IRAG1: variants seen among roughly 807,000 people sequenced by gnomAD.
IRAG1 encodes the protein inositol 1,4,5-triphosphate receptor associated 1.
Under a neutral mutation model 106.2 loss-of-function variants are expected in IRAG1, and 62 were observed. The ratio of observed to expected loss-of-function variants is 0.58; its 90% CI spans 0.48 to 0.72. IRAG1 has a LOEUF of 0.72. Ranked by LOEUF, IRAG1 falls within the 30% of genes least tolerant of loss-of-function variation. The pLI is 0.00. For missense variants in IRAG1, 1,064 were observed against 1,140.7 expected (o/e 0.93, Z 0.97); for synonymous variants, 462 against 443.9 (o/e 1.04, Z -0.51).
intron 1 of IRAG1, among the ~76,000 whole-genome samples, chr11:10,683,976 G>A (rs537000681): frequency 3.6e-4 from 54 of 151,000 alleles, no homozygotes; most frequent in South Asian, 8.5e-4. Flanking sequence ...ATAAAGTAAC[G>A]CATTAGTACA....
chr11:10,681,343 A>C (rs1197455682), intron 1 of IRAG1, among the ~76,000 whole-genome samples: 1 of 152,244 alleles, frequency 6.6e-6, no homozygotes, highest in Admixed American at 6.5e-5. Context: ...TTAATAAAAA[A>C]GAGAATAAAT....
chr11:10,602,218 CTTTTA>C (rs1854090346), intron 14 of IRAG1, among the ~76,000 whole-genome samples: 1 of 152,232 alleles, frequency 6.6e-6, no homozygotes, highest in South Asian at 2.1e-4. Flanking sequence ...ACAGGTCTTT[CTTTTA>C]TTTAATAGGA....
intron 10 of IRAG1, among the ~76,000 whole-genome samples, chr11:10,619,691 AT>A (rs1287743054): frequency 6.6e-6 from 1 of 152,204 alleles, no homozygotes; most frequent in East Asian, 1.9e-4. Flanking sequence ...ACATGCAAAC[AT>A]TACAGCAGCT....
intron 2 of IRAG1, among the ~76,000 whole-genome samples, chr11:10,641,779 T>C (rs1857532537): frequency 6.6e-6 from 1 of 152,154 alleles, no homozygotes; most frequent in Non-Finnish European, 1.5e-5. Flanking sequence ...GGTAGAAGAT[T>C]GATATCTTTC....
chr11:10,673,735 A>G (rs1038126776), intron 1 of IRAG1, among the ~76,000 whole-genome samples: 7 of 152,142 alleles, frequency 4.6e-5, no homozygotes, highest in Admixed American at 1.3e-4. Flanking sequence ...TTTGGTCCTT[A>G]GTGCCTTGTG....
At position 10,581,998 on chromosome 11, in the gene IRAG1, AGG is replaced by A; in HGVS notation, c.2241-14_2241-13del. On this transcript the variant is annotated splice_polypyrimidine_tract_variant and intron_variant, in intron 18 of 20. Coordinates refer to ENST00000423302, the MANE Select transcript of IRAG1 (RefSeq NM_130385.4). ...CATTTGTCTTTCCACTAGTGAGAAG[AGG>A]GAAGTACAGGGCATCATTTCAGAAA... The A allele has an allele frequency of 6.2e-7, 1 of 1,606,626 alleles. No individual in the cohort carries two copies. Among genetic ancestry groups the A allele is most frequent in the Admixed American group, 1.7e-5 (1 of 58,210 alleles).
At chr11:10,676,394 C>T (rs1171608295) in intron 1 of IRAG1, among the ~76,000 whole-genome samples, 1 of 152,214 alleles carries the variant, frequency 6.6e-6, no homozygotes, top group Non-Finnish European at 1.5e-5. Flanking sequence ...CTGGCGACAG[C>T]AGCACATCCA....
chr11:10,651,430 T>A (rs565064043), intron 2 of IRAG1, among the ~76,000 whole-genome samples: 2 of 152,310 alleles, frequency 1.3e-5, no homozygotes, highest in East Asian at 3.9e-4. Flanking sequence ...CACACCAAAA[T>A]CAACATTTTA....
chr11:10,642,879 TC>T (rs1245884800), intron 2 of IRAG1, among the ~76,000 whole-genome samples: 1 of 152,018 alleles, frequency 6.6e-6, no homozygotes. Flanking sequence ...AAAAGGACTC[TC>T]TGGGCCGGGC....
chr11:10,680,524 A>AAAGGAAGAAAGGAAGGAAGGAAGG (rs1554935785), intron 1 of IRAG1, among the ~76,000 whole-genome samples: 3 of 139,034 alleles, frequency 2.2e-5, no homozygotes, highest in African/African-American at 5.9e-5. Context: ...AGAAAGGAAG[A>AAAGGAAGAAAGGAAGGAAGGAAGG]AAGGAAGGAA....
intron 2 of IRAG1, among the ~76,000 whole-genome samples, chr11:10,646,112 T>G (rs1252207223): frequency 6.6e-6 from 1 of 152,230 alleles, no homozygotes; most frequent in African/African-American, 2.4e-5. Flanking sequence ...GAGCCTTTCC[T>G]GTACCTTCTG....
At chr11:10,671,011 AT>A (rs1249028639) in intron 1 of IRAG1, among the ~76,000 whole-genome samples, 1 of 152,262 alleles carries the variant, frequency 6.6e-6, no homozygotes, top group African/African-American at 2.4e-5. Context: ...TCTCTCAGCC[AT>A]ATCAGATTTA....
chr11:10,593,303 C>T, intron 17 of IRAG1, 189 bp downstream of exon 17: 1 of 479,946 alleles, frequency 2.1e-6, no homozygotes, highest in East Asian at 3.6e-5. Context: ...TGGGACTTCC[C>T]AGAGTAGTAG....
intron 2 of IRAG1, among the ~76,000 whole-genome samples, chr11:10,634,753 T>TGTGTGTG: frequency 6.9e-6 from 1 of 145,050 alleles, no homozygotes; most frequent in South Asian, 2.3e-4. Context: ...AATAATATTC[T>TGTGTGTG]TGTGTGTGTG....
intron 1 of IRAG1, among the ~76,000 whole-genome samples, chr11:10,691,527 T>C (rs1421117493): frequency 1.3e-5 from 2 of 152,142 alleles, no homozygotes; most frequent in Non-Finnish European, 2.9e-5. Flanking sequence ...CTCCTCAGCC[T>C]CCCAGGGATT....
At position 10,628,361 on chromosome 11, in the gene IRAG1, T is replaced by C. The variant is rs1015131206; in HGVS notation, c.653-336A>G. ...CCTGGCACCCTCCCCCTTTCCTTGT[T>C]GGCTGGAGGGTGTGACTCTGGGTAC... On this transcript the variant is annotated intron_variant, in intron 6 of 20. Coordinates refer to ENST00000423302, the MANE Select transcript of IRAG1 (RefSeq NM_130385.4). The surrounding 1 kb of genome is among the most constrained non-coding windows in gnomAD (Gnocchi z 4.1). 2.6e-5 allele frequency among the ~76,000 whole-genome samples: 4 copies of C among 152,156 alleles called. No homozygotes were observed. The highest frequency in any genetic ancestry group is 5.9e-5 in the Non-Finnish European group (4 of 68,012).
At position 10,683,995 on chromosome 11, in the gene IRAG1, TG is replaced by T. The variant is rs549424891; in HGVS notation, c.67+9540del. ...AGTAACGCATTAGTACAATAGCTCA[TG>T]AATATGATTTATAATAAAGAAATAT... On this transcript the variant is annotated intron_variant, in intron 1 of 20. Coordinates refer to ENST00000423302, the MANE Select transcript of IRAG1 (RefSeq NM_130385.4). 3.6e-3 allele frequency among the ~76,000 whole-genome samples: 542 copies of T among 152,278 alleles called. 4 individuals carry two copies. Among genetic ancestry groups the T allele is most frequent in the African/African-American group, 0.012 (514 of 41,550 alleles).
intron 1 of IRAG1, among the ~76,000 whole-genome samples, chr11:10,680,488 A>T (rs181200594): frequency 7.2e-6 from 1 of 139,152 alleles, no homozygotes; most frequent in Non-Finnish European, 1.5e-5. Context: ...AGAGGAAGGG[A>T]GGGAGAAAGA....
intron 15 of IRAG1, among the ~76,000 whole-genome samples, chr11:10,595,340 A>G (rs72862320): frequency 0.012 from 1,775 of 152,008 alleles, 18 homozygotes; most frequent in Middle Eastern, 0.02. Flanking sequence ...TATATTTTCT[A>G]TTTATTTTGT....
Sources: allele counts gnomAD v4.1 joint callset (sites outside exome capture counted in the v4.1 genomes callset), GRCh38; gene constraint gnomAD v4.1.1; non-coding constraint Gnocchi (gnomAD v3.1); transcripts MANE v1.5; gene names NCBI Gene and HGNC (gene_info 2026-07-23, HGNC 2026-07-21).